Variants in ARHGAP26 observed in about 807,000 individuals in gnomAD.
The protein encoded by ARHGAP26 is Rho GTPase activating protein 26, also known as rho GTPase-activating protein 26.
A neutral mutation model predicts 104.8 loss-of-function variants in ARHGAP26; 38 were observed. That is an observed-to-expected ratio of 0.36 (90% CI 0.28 to 0.48). The LOEUF (loss-of-function observed/expected upper bound fraction) is 0.48, where lower values mean the gene tolerates loss of function less well. Among genes scored for constraint, ARHGAP26 ranks in the 20% least tolerant of loss-of-function variants. The probability of loss-of-function intolerance (pLI) is 0.99; values close to 1 mark genes in which losing one functional copy is unlikely to be tolerated. For missense variants in ARHGAP26, 704 were observed against 947.9 expected (o/e 0.74, Z 3.38); for synonymous variants, 341 against 340.0 (o/e 1.00, Z -0.03).
At chr5:142,809,000 A>T (rs77540246) in intron 1 of ARHGAP26, among the ~76,000 whole-genome samples, 2 of 152,198 alleles carry the variant, frequency 1.3e-5, no homozygotes, top group African/African-American at 2.4e-5. Context: ...TTTTTATAAG[A>T]TAAGTGCCTG....
Position 142,807,357 on chromosome 5 carries a change from G to A in ARHGAP26, c.154+36442G>A, listed in dbSNP as rs535793317. ...CCATTGCCAGAAGGGGCCAAGCCAG[G>A]GTTCAAACCTAACCTGTTCTTTTAA... On this transcript the variant is annotated intron_variant, in intron 1 of 22. Transcript: ENST00000645722. Among the ~76,000 whole-genome samples the A allele has an allele frequency of 2.3e-4, 35 of 152,294 alleles. No homozygotes were observed. In the South Asian group the frequency reaches 7.0e-3, roughly 31 times the overall value.
intron 10 of ARHGAP26, among the ~76,000 whole-genome samples, chr5:142,930,875 G>T (rs1261500023): frequency 1.3e-5 from 2 of 152,176 alleles, no homozygotes; most frequent in African/African-American, 4.8e-5. Flanking sequence ...ATAGCTATAA[G>T]CCAGAAGCAG....
chr5:143,092,328 T>G (rs547484686), intron 17 of ARHGAP26, among the ~76,000 whole-genome samples: 244 of 152,228 alleles, frequency 1.6e-3, no homozygotes, highest in African/African-American at 5.6e-3. Context: ...CATGCCTGGC[T>G]AATTTTATTG....
intron 8 of ARHGAP26, 28 bp from the exon 9 acceptor site, chr5:142,907,676 A>G (rs1182787437): frequency 2.0e-6 from 3 of 1,515,420 alleles, no homozygotes; most frequent in Admixed American, 1.7e-5. Context: ...GAATGTATAG[A>G]TATTTTATGG....
intron 14 of ARHGAP26, among the ~76,000 whole-genome samples, chr5:143,049,258 A>G (rs548894347): frequency 6.6e-6 from 1 of 152,290 alleles, no homozygotes; most frequent in South Asian, 2.1e-4. Flanking sequence ...GATTCTTTAT[A>G]TTCTAGCAAA....
chr5:143,147,165 G>T, intron 19 of ARHGAP26, 66 bp from the exon 20 acceptor site: 2 of 1,518,554 alleles, frequency 1.3e-6, no homozygotes, highest in Admixed American at 3.8e-5. Context: ...ACATTTTTGT[G>T]CATGTAGCAA....
At chr5:143,071,650 G>A (rs1004240872) in intron 17 of ARHGAP26, among the ~76,000 whole-genome samples, 2 of 152,208 alleles carry the variant, frequency 1.3e-5, no homozygotes, top group African/African-American at 2.4e-5. Context: ...GCTCATGCCT[G>A]TAATCCCAGC....
At chr5:143,107,044 A>T (rs187871228) in intron 17 of ARHGAP26, among the ~76,000 whole-genome samples, 1 of 152,042 alleles carries the variant, frequency 6.6e-6, no homozygotes, top group African/African-American at 2.4e-5. Flanking sequence ...ATTTTTACTG[A>T]TGTATCTGTG....
chr5:142,834,416 T>C (rs1230295138), intron 1 of ARHGAP26, among the ~76,000 whole-genome samples: 4 of 152,276 alleles, frequency 2.6e-5, no homozygotes, highest in Non-Finnish European at 5.9e-5. Flanking sequence ...TGGAAACTTA[T>C]TTTAAAAATT....
At chr5:142,771,393 C>T in intron 1 of ARHGAP26, 2 of 1,231,986 alleles carry the variant, frequency 1.6e-6, no homozygotes, top group Non-Finnish European at 1.0e-6. Flanking sequence ...GTGACTGCTT[C>T]GCTCCCTGTA....
Position 143,225,386 on chromosome 5 carries a change from G to T in ARHGAP26, c.*2940G>T, listed in dbSNP as rs948644791. The T allele has an allele frequency of 4.3e-5, 8 of 185,380 alleles. No individual in the cohort carries two copies. Among genetic ancestry groups the T allele is most frequent in the Non-Finnish European group, 9.1e-5 (8 of 87,724 alleles). The allele number at this position is 185,380 out of a possible 1,614,324, so 11.5% of individuals were successfully genotyped here. ...GTATTTTTAGTAAAGATGGGGTTTT[G>T]CCATGTTTGCCAGGCTGATCTCGAA... On this transcript the variant is annotated 3_prime_UTR_variant, in exon 23 of 23. Transcript: ENST00000645722.
chr5:143,214,621 G>C (rs527397565), intron 22 of ARHGAP26, among the ~76,000 whole-genome samples: 3 of 152,348 alleles, frequency 2.0e-5, no homozygotes, highest in African/African-American at 7.2e-5. Context: ...TTCCAGGCCA[G>C]AGCAGAGATG....
intron 1 of ARHGAP26, among the ~76,000 whole-genome samples, chr5:142,780,188 C>CTCAT (rs1287617653): frequency 6.6e-6 from 1 of 152,204 alleles, no homozygotes; most frequent in East Asian, 1.9e-4. Flanking sequence ...AGAGAGCTCA[C>CTCAT]TCATTGTTAG....
At chr5:142,806,470 G>A (rs1762999624) in intron 1 of ARHGAP26, among the ~76,000 whole-genome samples, 1 of 88,592 alleles carries the variant, frequency 1.1e-5, no homozygotes, top group African/African-American at 4.9e-5. Flanking sequence ...TATAGGCAAT[G>A]AAATGTGTGT....
chr5:143,157,580 A>G (rs957774013), intron 20 of ARHGAP26, among the ~76,000 whole-genome samples: 3 of 152,210 alleles, frequency 2.0e-5, no homozygotes, highest in Non-Finnish European at 4.4e-5. Flanking sequence ...ACCATAGTAC[A>G]TGATTTCTAC....
At chr5:143,101,498 G>A (rs988969029) in intron 17 of ARHGAP26, among the ~76,000 whole-genome samples, 7 of 152,030 alleles carry the variant, frequency 4.6e-5, no homozygotes, top group African/African-American at 1.7e-4. Flanking sequence ...TTAGCTCTTT[G>A]GGGGTGACTC....
chr5:142,770,563 A>G lies in ARHGAP26; in HGVS notation c.-199A>G. 2 of 223,636 alleles carry G rather than the reference A, an allele frequency of 8.9e-6. No homozygotes were observed. Among genetic ancestry groups the G allele is most frequent in the Admixed American group, 6.2e-5 (1 of 16,170 alleles). 13.9% of individuals were successfully genotyped at this position (223,636 alleles called of 1,614,324 possible). ...CTCCGTTGCCCGCGCCCGGAACAGC[A>G]GCACCTCGGCCGGGTCCGAGCTCGG... is the stretch of plus-strand genomic sequence containing the variant. On this transcript the variant is annotated 5_prime_UTR_variant, in exon 1 of 23. Transcript: ENST00000645722.
chr5:142,857,556 T>C (rs1752571508), intron 1 of ARHGAP26, among the ~76,000 whole-genome samples: 1 of 152,132 alleles, frequency 6.6e-6, no homozygotes, highest in South Asian at 2.1e-4. Flanking sequence ...AAGGGAAGCA[T>C]GTCAGGGTTT....
intron 17 of ARHGAP26, among the ~76,000 whole-genome samples, chr5:143,066,541 C>T (rs908091502): frequency 7.2e-5 from 11 of 152,048 alleles, no homozygotes; most frequent in South Asian, 6.2e-4. Flanking sequence ...TGGAGAAATC[C>T]GGGAACGGGA....
Sources: gnomAD v4.1 joint callset for allele counts (sites outside exome capture counted in the v4.1 genomes callset) on GRCh38, gnomAD v4.1.1 for gene constraint, MANE v1.5 for transcripts, NCBI Gene and HGNC (gene_info 2026-07-23, HGNC 2026-07-21) for gene names.